The following SP140 variants were observed in gnomAD, a reference collection of about 807,000 sequenced individuals.
The protein encoded by SP140 is SP140 nuclear body protein, also known as nuclear body protein SP140.
A neutral mutation model predicts 125.0 loss-of-function variants in SP140; 81 were observed. The observed-to-expected ratio is 0.65, with a 90% CI of 0.54 to 0.78. The LOEUF (loss-of-function observed/expected upper bound fraction) is 0.78, where lower values mean the gene tolerates loss of function less well. Ranked by LOEUF, SP140 falls within the 30% of genes least tolerant of loss-of-function variation. The pLI is 0.00. For missense variants in SP140, 858 were observed against 1,037.0 expected (o/e 0.83, Z 2.37); for synonymous variants, 312 against 354.0 (o/e 0.88, Z 1.33).
At chr2:230,261,226 G>C (rs2052181435) in intron 12 of SP140, among the ~76,000 whole-genome samples, 1 of 152,028 alleles carries the variant, frequency 6.6e-6, no homozygotes, top group Admixed American at 6.6e-5. Flanking sequence ...TGTAAAAGGG[G>C]TTGAGTTCTT....
chr2:230,287,897 A>G lies in SP140; in HGVS notation c.1651A>G (p.Lys551Glu), dbSNP rs771445155. 1 of 1,611,382 alleles carries G rather than the reference A, an allele frequency of 6.2e-7. No individual in the cohort carries two copies. Among genetic ancestry groups the G allele is most frequent in the South Asian group, 1.1e-5 (1 of 90,800 alleles). ...LKDLSKIRGRKRGKPGTRFTQ... is the reference protein window; with the variant it reads ...LKDLSKIRGRERGKPGTRFTQ... Reference sequence around the variant, plus strand: ...ATATTATTCTACTTTCTCAGGGAGAAAGAGAGGCAAACCTGGAACCCGCTT... The same window carrying G: ...ATATTATTCTACTTTCTCAGGGAGAGAGAGAGGCAAACCTGGAACCCGCTT... The change falls in exon 18 of 27, where the codon AAG becomes GAG. Residue 551 changes from lysine (K) to glutamate (E), a missense_variant. Lys to Glu is a moderately conservative substitution (Grantham distance 56). This residue lies in a region of SP140 where 791 missense variants were observed against 869.5 expected (regional missense o/e 0.91). Coordinates refer to ENST00000392045, the MANE Select transcript of SP140 (RefSeq NM_007237.5).
intron 26 of SP140, among the ~76,000 whole-genome samples, chr2:230,311,969 G>A (rs1247668153): frequency 1.3e-5 from 2 of 152,170 alleles, no homozygotes; most frequent in Admixed American, 1.3e-4. Context: ...CAGATTCTTT[G>A]CATGTGAATA....
chr2:230,200,841 T>A (rs550857501), upstream of SP140: 10 of 1,398,456 alleles, frequency 7.2e-6, no homozygotes, highest in East Asian at 2.1e-4. Context: ...TGAATTTAGA[T>A]TCCTGGTGAC....
At chr2:230,230,310 C>A (rs988417453) in intron 1 of SP140, 1 of 152,154 alleles carries the variant, frequency 6.6e-6, no homozygotes, top group African/African-American at 2.4e-5. Flanking sequence ...GACCTGGTTA[C>A]CAATCCTGTG....
intron 1 of SP140, among the ~76,000 whole-genome samples, chr2:230,233,246 TTATAAC>T (rs2047505782): frequency 6.6e-6 from 1 of 152,162 alleles, no homozygotes; most frequent in Non-Finnish European, 1.5e-5. Flanking sequence ...ACCATCAAAT[TTATAAC>T]TATATCATTT....
the SP140 span, among the ~76,000 whole-genome samples, chr2:230,191,290 C>A: frequency 6.6e-6 from 1 of 151,516 alleles, no homozygotes; most frequent in African/African-American, 2.4e-5. Flanking sequence ...TAAGTAAGAT[C>A]AGAGAAAAAT....
At chr2:230,209,071 T>C (rs2044187993) in intron 1 of SP140, among the ~76,000 whole-genome samples, 1 of 152,196 alleles carries the variant, frequency 6.6e-6, no homozygotes, top group Admixed American at 6.5e-5. Flanking sequence ...TTTTGATTCT[T>C]TTTCTTTTGT....
At chr2:230,239,039 G>A (rs2048357516) in intron 3 of SP140, 3 of 1,398,536 alleles carry the variant, frequency 2.1e-6, no homozygotes, top group Admixed American at 3.0e-5. Context: ...TTTAATTTTT[G>A]GAAAATAAAG....
chr2:230,209,468 A>G (rs2044231661), intron 1 of SP140, among the ~76,000 whole-genome samples: 1 of 152,192 alleles, frequency 6.6e-6, no homozygotes, highest in Non-Finnish European at 1.5e-5. Flanking sequence ...TGAATGGTTA[A>G]GACTCAAAGG....
chr2:230,256,485 G>C lies in SP140; in HGVS notation c.1240+953G>C, dbSNP rs1464042359. Among the ~76,000 whole-genome samples the C allele has an allele frequency of 2.2e-5, 3 of 138,184 alleles. No homozygotes were observed. In the East Asian group the frequency reaches 7.1e-4, roughly 33 times the overall value. The allele number at this position is 138,184 out of a possible 152,430, so 90.7% of individuals were successfully genotyped here. A position where few individuals can be genotyped will look rare whatever the true frequency, so the allele number is the denominator to read the frequency against. ...GGGAATTGAACAATGAGAACACTTG[G>C]ACACAAGAAGGGGGATATCACACAC... On this transcript the variant is annotated intron_variant, in intron 12 of 26. Coordinates refer to ENST00000392045, the MANE Select transcript of SP140 (RefSeq NM_007237.5).
At chr2:230,256,418 C>G (rs1410196163) in intron 12 of SP140, among the ~76,000 whole-genome samples, 1 of 151,210 alleles carries the variant, frequency 6.6e-6, no homozygotes, top group Admixed American at 6.6e-5. Context: ...CAAACTATCA[C>G]AAGGACAAAA....
intron 15 of SP140, among the ~76,000 whole-genome samples, chr2:230,280,799 A>C (rs925473661): frequency 2.6e-5 from 4 of 152,014 alleles, no homozygotes; most frequent in Non-Finnish European, 5.9e-5. Flanking sequence ...TTTACAGTTG[A>C]TATTTACTTA....
intron 15 of SP140, among the ~76,000 whole-genome samples, chr2:230,280,161 C>A (rs1319795522): frequency 1.3e-5 from 2 of 152,094 alleles, no homozygotes; most frequent in Non-Finnish European, 2.9e-5. Context: ...TGTATATTTG[C>A]CAATTCCTCT....
At chr2:230,265,865 C>T (rs576009580) in intron 12 of SP140, among the ~76,000 whole-genome samples, 9 of 151,868 alleles carry the variant, frequency 5.9e-5, no homozygotes, top group South Asian at 2.1e-4. Context: ...AGGCTGGTCA[C>T]GAACCATGGC....
In SP140 at chr2:230,238,196, C is replaced by T. The variant is rs1559227032; in HGVS notation, c.238-17C>T. The T allele has an allele frequency of 6.4e-7, 1 of 1,566,460 alleles. No homozygotes were observed. Among genetic ancestry groups the T allele is most frequent in the Non-Finnish European group, 8.7e-7 (1 of 1,150,222 alleles). ...ATAAATCTCTAGCTACATAATTCTC[C>T]ATTTAATATTTTTAAGCATTTTCAA... On this transcript the variant is annotated splice_polypyrimidine_tract_variant and intron_variant, in intron 2 of 26. Coordinates refer to ENST00000392045, the MANE Select transcript of SP140 (RefSeq NM_007237.5).
At chr2:230,208,238 A>G (rs2044092212) in intron 1 of SP140, among the ~76,000 whole-genome samples, 2 of 152,194 alleles carry the variant, frequency 1.3e-5, no homozygotes, top group Admixed American at 1.3e-4. Flanking sequence ...TGACAGAGGA[A>G]AAGGAGAAAC....
At chr2:230,249,706 AAGAAAC>A (rs942868163) in intron 9 of SP140, among the ~76,000 whole-genome samples, 3 of 152,212 alleles carry the variant, frequency 2.0e-5, no homozygotes, top group Non-Finnish European at 2.9e-5. Context: ...TATGCAGAGA[AAGAAAC>A]AGATCAAAAT....
chr2:230,194,048 A>G, the SP140 span, among the ~76,000 whole-genome samples: 2 of 152,146 alleles, frequency 1.3e-5, no homozygotes, highest in African/African-American at 4.8e-5. Flanking sequence ...GGGAACTAGG[A>G]AGAAGAGGCC....
At chr2:230,307,990 T>TATACAC (rs869070046) in intron 22 of SP140, among the ~76,000 whole-genome samples, 8 of 52,638 alleles carry the variant, frequency 1.5e-4, no homozygotes, top group African/African-American at 6.1e-4. Flanking sequence ...TATATATATA[T>TATACAC]ACACACACAC....
Sources: gnomAD v4.1 joint callset for allele counts (sites outside exome capture counted in the v4.1 genomes callset) on GRCh38, gnomAD v4.1.1 for gene constraint, gnomAD v4.1.1 regional missense constraint, MANE v1.5 for transcripts, NCBI Gene and HGNC (gene_info 2026-07-23, HGNC 2026-07-21) for gene names.